ADARB2: variants seen among roughly 807,000 people sequenced by gnomAD.
ADARB2 encodes inactive double-stranded RNA-specific editase B2.
Under a neutral mutation model 62.2 loss-of-function variants are expected in ADARB2, and 25 were observed. The observed-to-expected ratio is 0.40, with a 90% CI of 0.29 to 0.56. The LOEUF (loss-of-function observed/expected upper bound fraction) is 0.56, where lower values mean the gene tolerates loss of function less well. ADARB2 is among the 20% of genes least tolerant of loss of function. The pLI, the probability that ADARB2 is intolerant of heterozygous loss-of-function variation, is 0.43. For synonymous variants in ADARB2, 572 were observed against 500.8 expected (o/e 1.14, Z -1.90); for missense variants, 1,071 against 1,077.4 (o/e 0.99, Z 0.08).
At chr10:1,649,412 G>A (rs1048376308) in intron 1 of ADARB2, among the ~76,000 whole-genome samples, 3 of 152,146 alleles carry the variant, frequency 2.0e-5, no homozygotes, top group African/African-American at 7.2e-5. Flanking sequence ...CTGGGCCCCT[G>A]TCCTGCCCTT....
At chr10:1,580,185 G>C (rs1239497274) in intron 1 of ADARB2, among the ~76,000 whole-genome samples, 2 of 152,078 alleles carry the variant, frequency 1.3e-5, no homozygotes, top group East Asian at 3.9e-4. Context: ...GTGTTGCCAG[G>C]GTACATTGGT....
At chr10:1,204,422 G>T (rs1837024293) in intron 7 of ADARB2, among the ~76,000 whole-genome samples, 1 of 152,236 alleles carries the variant, frequency 6.6e-6, no homozygotes, top group South Asian at 2.1e-4. Context: ...GAAATCACCT[G>T]AGTGCGTCTT....
At chr10:1,550,853 C>G (rs1017013485) in intron 1 of ADARB2, among the ~76,000 whole-genome samples, 22 of 140,016 alleles carry the variant, frequency 1.6e-4, no homozygotes, top group Non-Finnish European at 1.6e-4. Context: ...CCCGCGCTTC[C>G]CAGGCCGCCG....
At chr10:1,318,484 G>A (rs754705042) in intron 3 of ADARB2, among the ~76,000 whole-genome samples, 2 of 151,996 alleles carry the variant, frequency 1.3e-5, no homozygotes, top group African/African-American at 4.8e-5. Context: ...CTCCTGGTGT[G>A]GGGAGTGGTT....
rs1831621935 is a variant in ADARB2 at position 1,491,531 on chromosome 10, C to T, written c.101-112371G>A. Among the ~76,000 whole-genome samples, 8 of 152,316 alleles carry T rather than the reference C, an allele frequency of 5.3e-5. No homozygotes were observed. In the South Asian group the frequency reaches 1.7e-3, roughly 32 times the overall value. On this transcript the variant is annotated intron_variant, in intron 1 of 9. Coordinates refer to ENST00000381312, the MANE Select transcript of ADARB2 (RefSeq NM_018702.4). ...CCATTTTGTCAGCTCTAGAGTCATC[C>T]TGCCTGACAATTAGCAGGGCCAATT...
chr10:1,502,866 G>A (rs1029233447), intron 1 of ADARB2, among the ~76,000 whole-genome samples: 2 of 152,172 alleles, frequency 1.3e-5, no homozygotes, highest in Non-Finnish European at 2.9e-5. Context: ...ATAAATTTTG[G>A]TAAGATGTCT....
intron 1 of ADARB2, among the ~76,000 whole-genome samples, chr10:1,562,851 CAGT>C (rs568552473): frequency 1.3e-3 from 202 of 152,346 alleles, no homozygotes; most frequent in African/African-American, 4.5e-3. Flanking sequence ...ATGCAGGTGA[CAGT>C]GGTGTCCCTC....
At chr10:1,723,198 C>G (rs1835118317) in intron 1 of ADARB2, among the ~76,000 whole-genome samples, 1 of 152,222 alleles carries the variant, frequency 6.6e-6, no homozygotes, top group Admixed American at 6.5e-5. Flanking sequence ...GTTTCTGAGA[C>G]TTCTGTTTTA....
chr10:1,672,622 GAC>G (rs1834402813), intron 1 of ADARB2, among the ~76,000 whole-genome samples: 1 of 64,990 alleles, frequency 1.5e-5, no homozygotes, highest in South Asian at 6.0e-4. Flanking sequence ...TCCCTCCATG[GAC>G]ACACTTTCCC....
chr10:1,713,785 A>G (rs944357096), intron 1 of ADARB2, among the ~76,000 whole-genome samples: 1 of 152,190 alleles, frequency 6.6e-6, no homozygotes, highest in African/African-American at 2.4e-5. Context: ...GACACTTTAA[A>G]GCAAATTGTC....
chr10:1,332,910 G>A (rs1329721501), intron 3 of ADARB2, among the ~76,000 whole-genome samples: 3 of 152,208 alleles, frequency 2.0e-5, no homozygotes, highest in South Asian at 2.1e-4. Context: ...TAGATTTTGA[G>A]TTGTCCATTT....
chr10:1,429,443 T>C (rs570400959), intron 1 of ADARB2, among the ~76,000 whole-genome samples: 25 of 152,192 alleles, frequency 1.6e-4, no homozygotes, highest in Middle Eastern at 3.4e-3. Context: ...AGATGGAAAT[T>C]CTCATTCTCA....
intron 8 of ADARB2, among the ~76,000 whole-genome samples, chr10:1,185,624 G>A (rs1298262326): frequency 6.6e-6 from 1 of 152,220 alleles, no homozygotes; most frequent in South Asian, 2.1e-4. Flanking sequence ...GAAATATGGG[G>A]CCTTTTGTTC....
At chr10:1,209,878 A>G (rs1398918167) in intron 7 of ADARB2, among the ~76,000 whole-genome samples, 2 of 152,220 alleles carry the variant, frequency 1.3e-5, no homozygotes, top group African/African-American at 4.8e-5. Flanking sequence ...ATGTGACAAA[A>G]GGTTTCTCCA....
At chr10:1,564,088 C>T (rs1832826179) in intron 1 of ADARB2, among the ~76,000 whole-genome samples, 2 of 152,028 alleles carry the variant, frequency 1.3e-5, no homozygotes, top group Non-Finnish European at 2.9e-5. Context: ...CCGCAATAAA[C>T]ATACGTGTGC....
chr10:1,387,778 C>T (rs1185433251), intron 1 of ADARB2, among the ~76,000 whole-genome samples: 2 of 151,852 alleles, frequency 1.3e-5, no homozygotes, highest in African/African-American at 4.8e-5. Flanking sequence ...AAAGCCAAAA[C>T]CAATCAATGA....
intron 1 of ADARB2, among the ~76,000 whole-genome samples, chr10:1,655,185 T>G (rs7907595): frequency 6.6e-6 from 1 of 152,168 alleles, no homozygotes; most frequent in South Asian, 2.1e-4. Flanking sequence ...CCACACCCCT[T>G]GGCTGCTGAA....
chr10:1,618,828 C>A (rs1186433600), intron 1 of ADARB2, among the ~76,000 whole-genome samples: 1 of 152,106 alleles, frequency 6.6e-6, no homozygotes, highest in African/African-American at 2.4e-5. Flanking sequence ...AACATTAAAG[C>A]CACTAAAAAC....
intron 1 of ADARB2, among the ~76,000 whole-genome samples, chr10:1,583,821 T>C (rs1430365390): frequency 1.3e-5 from 2 of 151,990 alleles, no homozygotes; most frequent in African/African-American, 4.8e-5. Flanking sequence ...AAAGGACAAA[T>C]AGATCAGTGG....
Sources: allele counts gnomAD v4.1 joint callset (sites outside exome capture counted in the v4.1 genomes callset), GRCh38; gene constraint gnomAD v4.1.1; transcripts MANE v1.5; gene names NCBI Gene and HGNC (gene_info 2026-07-23, HGNC 2026-07-21).